The following PCDHA9 variants were observed in gnomAD, a reference collection of about 807,000 sequenced individuals.
The protein encoded by PCDHA9 is protocadherin alpha-9.
PCDHA9 carries 62 observed loss-of-function variants against 62.0 expected under a neutral mutation model. The observed-to-expected ratio is 1.00, with a 90% CI of 0.81 to 1.23. PCDHA9 has a LOEUF of 1.23. Among genes scored for constraint, PCDHA9 ranks in the 50% most tolerant of loss-of-function variants. The pLI is 0.00. For synonymous variants in PCDHA9, 557 were observed against 567.6 expected (o/e 0.98, Z 0.27); for missense variants, 1,205 against 1,249.8 (o/e 0.96, Z 0.54).
At chr5:141,002,559 G>C (rs2098085590) in intron 3 of PCDHA9, among the ~76,000 whole-genome samples, 2 of 152,192 alleles carry the variant, frequency 1.3e-5, no homozygotes. Context: ...GGATCCACCA[G>C]TTAGTGACCA....
chr5:140,866,542 C>T (rs533433206), intron 1 of PCDHA9: 19 of 152,230 alleles, frequency 1.2e-4, no homozygotes, highest in African/African-American at 3.4e-4. Context: ...ATTAGCATCA[C>T]GGAATAAATC....
At chr5:140,995,132 A>G (rs2097665905) in intron 3 of PCDHA9, among the ~76,000 whole-genome samples, 1 of 152,222 alleles carries the variant, frequency 6.6e-6, no homozygotes, top group African/African-American at 2.4e-5. Flanking sequence ...CTGAAACCTC[A>G]TTTAGTACTG....
At chr5:140,899,841 T>C (rs2067584927) in intron 1 of PCDHA9, among the ~76,000 whole-genome samples, 1 of 152,208 alleles carries the variant, frequency 6.6e-6, no homozygotes, top group Non-Finnish European at 1.5e-5. Flanking sequence ...CAGGTCTTGC[T>C]GTGTCACCCA....
intron 1 of PCDHA9, among the ~76,000 whole-genome samples, chr5:140,975,386 G>A (rs2096665314): frequency 6.6e-6 from 1 of 152,252 alleles, no homozygotes; most frequent in Admixed American, 6.5e-5. Flanking sequence ...ATGGGAATAA[G>A]ATCCATCACA....
At chr5:140,872,497 C>G (rs1554166232) in intron 1 of PCDHA9, among the ~76,000 whole-genome samples, 1 of 152,150 alleles carries the variant, frequency 6.6e-6, no homozygotes. Context: ...CCTAGTGGTG[C>G]ATGCCTGTAG....
At chr5:140,937,228 G>A (rs920892612) in intron 1 of PCDHA9, among the ~76,000 whole-genome samples, 1 of 151,718 alleles carries the variant, frequency 6.6e-6, no homozygotes, top group Admixed American at 6.6e-5. Context: ...TTGTAGAGAC[G>A]GGGTTTCACC....
chr5:140,849,428 A>G lies in PCDHA9; in HGVS notation c.933A>G (p.Glu311=). 1 of 1,578,702 alleles carries G rather than the reference A, an allele frequency of 6.3e-7. No individual in the cohort carries two copies. Among genetic ancestry groups the G allele is most frequent in the Non-Finnish European group, 8.6e-7 (1 of 1,156,410 alleles). Residue 311 remains glutamate (E), a synonymous_variant, in exon 1 of 4, where the codon GAA becomes GAG. Transcript: ENST00000532602. ...AITVIGHMDF[E]ESRAHKIPVE... is the part of the protein sequence containing the mutation. The stretch of plus-strand genomic sequence containing the variant: ...CAGTGATAGGACATATGGATTTTGA[A>G]GAAAGTAGAGCACACAAGATCCCAG...
intron 1 of PCDHA9, among the ~76,000 whole-genome samples, chr5:140,963,754 T>C (rs190216638): frequency 2.3e-4 from 35 of 152,374 alleles, no homozygotes; most frequent in Admixed American, 7.2e-4. Flanking sequence ...TGATAATAAA[T>C]TGTTGTATTT....
chr5:141,000,912 A>G (rs1434885581), intron 3 of PCDHA9, among the ~76,000 whole-genome samples: 1 of 152,194 alleles, frequency 6.6e-6, no homozygotes, highest in East Asian at 1.9e-4. Context: ...TGTCTCTAAA[A>G]AAAAAAATCC....
intron 1 of PCDHA9, chr5:140,855,836 AC>A (rs1444767908): frequency 1.7e-6 from 1 of 600,200 alleles, no homozygotes; most frequent in Non-Finnish European, 2.9e-6. Flanking sequence ...AATCGTACTT[AC>A]ACCTAAAGCC....
At position 140,859,135 on chromosome 5, in the gene PCDHA9, A is replaced by G. The variant is rs571097776; in HGVS notation, c.2394+8246A>G. On this transcript the variant is annotated intron_variant, in intron 1 of 3. Coordinates refer to ENST00000532602, the MANE Select transcript of PCDHA9 (RefSeq NM_031857.2). Reference sequence around the variant, plus strand: ...AAATGTATGTTTCTTTTATTTACATAATTTTATCCAGTAGCTCTTCATTAT... The same window carrying G: ...AAATGTATGTTTCTTTTATTTACATGATTTTATCCAGTAGCTCTTCATTAT... The G allele has an allele frequency of 4.0e-5, 6 of 150,216 alleles. No homozygotes were observed. In the East Asian group the frequency reaches 1.2e-3, roughly 29 times the overall value. 9.3% of individuals were successfully genotyped at this position (150,216 alleles called of 1,614,324 possible). A position where few individuals can be genotyped will look rare whatever the true frequency, so the allele number is the denominator to read the frequency against.
intron 1 of PCDHA9, chr5:140,858,280 G>C (rs782403060): frequency 3.1e-6 from 5 of 1,597,578 alleles, no homozygotes; most frequent in Non-Finnish European, 4.3e-6. Context: ...GCGCGGTGGG[G>C]AGCTGGTCTT....
At chr5:140,864,861 G>C (rs2048633310) in intron 1 of PCDHA9, 1 of 152,100 alleles carries the variant, frequency 6.6e-6, no homozygotes, top group African/African-American at 2.4e-5. Flanking sequence ...ATGATGAAGG[G>C]TGATACCATT....
At chr5:140,898,957 G>A (rs1165991766) in intron 1 of PCDHA9, among the ~76,000 whole-genome samples, 13 of 152,052 alleles carry the variant, frequency 8.5e-5, no homozygotes, top group Admixed American at 8.5e-4. Flanking sequence ...AAGCAGTTGT[G>A]AATGGGAGTT....
chr5:140,997,664 C>A (rs2097778003), intron 3 of PCDHA9, among the ~76,000 whole-genome samples: 1 of 142,906 alleles, frequency 7.0e-6, no homozygotes, highest in African/African-American at 2.5e-5. Context: ...TATTATTATA[C>A]AGCTTGTGTG....
intron 1 of PCDHA9, among the ~76,000 whole-genome samples, chr5:140,872,998 G>C (rs2054022914): frequency 6.6e-6 from 1 of 152,060 alleles, no homozygotes; most frequent in African/African-American, 2.4e-5. Flanking sequence ...TTACTTCTGA[G>C]TCATTCTTCA....
At chr5:140,918,007 G>C (rs1313004826) in intron 1 of PCDHA9, among the ~76,000 whole-genome samples, 1 of 151,954 alleles carries the variant, frequency 6.6e-6, no homozygotes, top group Non-Finnish European at 1.5e-5. Context: ...TAACAATGTT[G>C]TTTCTTCCTA....
intron 1 of PCDHA9, among the ~76,000 whole-genome samples, chr5:140,949,545 T>G (rs1173643616): frequency 6.6e-6 from 1 of 151,906 alleles, no homozygotes; most frequent in Non-Finnish European, 1.5e-5. Flanking sequence ...ATCGATTTGT[T>G]GCTGGTCATA....
intron 1 of PCDHA9, among the ~76,000 whole-genome samples, chr5:140,974,881 C>A (rs191346198): frequency 6.6e-6 from 1 of 152,228 alleles, no homozygotes; most frequent in African/African-American, 2.4e-5. Flanking sequence ...GTCTATGTAT[C>A]CCTTTTCTGA....
Sources: allele counts gnomAD v4.1 joint callset (sites outside exome capture counted in the v4.1 genomes callset), GRCh38; gene constraint gnomAD v4.1.1; transcripts MANE v1.5; gene names NCBI Gene and HGNC (gene_info 2026-07-23, HGNC 2026-07-21).